Variants in STK36 observed in about 807,000 individuals in gnomAD.
The protein encoded by STK36 is serine/threonine-protein kinase 36.
A neutral mutation model predicts 142.2 loss-of-function variants in STK36; 116 were observed. The observed-to-expected ratio is 0.82, with a 90% CI of 0.70 to 0.95. STK36 has a LOEUF of 0.95. STK36 is among the 40% of genes least tolerant of loss of function. The pLI, the probability that STK36 is intolerant of heterozygous loss-of-function variation, is 0.00. For missense variants in STK36, 1,422 were observed against 1,617.2 expected, an observed-to-expected ratio of 0.88 and a Z score of 2.07; for synonymous variants, 619 against 641.7, an observed-to-expected ratio of 0.96 and a Z score of 0.53.
Position 218,694,221 on chromosome 2 carries a change from C to T in STK36, c.2337-43C>T. On this transcript the variant is annotated intron_variant, in intron 19 of 26. Transcript: ENST00000295709. This position sits in a 1 kb window ranked among gnomAD's most constrained non-coding sequence, Gnocchi z 4.4. ...GAGAGGGGAGGCCGCTTACCAACCT[C>T]CTTTAATACTGCTGCATCCCTTGAT... 1 of 1,556,804 alleles carries T rather than the reference C, an allele frequency of 6.4e-7. No homozygotes were observed. The highest frequency in any genetic ancestry group is 1.1e-5 in the South Asian group (1 of 89,900).
chr2:218,690,001 G>C, intron 13 of STK36, 45 bp downstream of exon 13: 1 of 1,523,288 alleles, frequency 6.6e-7, no homozygotes, highest in South Asian at 1.2e-5. Flanking sequence ...TTTGGCTTCT[G>C]TTTCTACCCC....
chr2:218,699,116 C>A lies in STK36; in HGVS notation c.3572C>A (p.Ala1191Glu), dbSNP rs774513040. ...YQAGPLGPAL[A>E]AAVPSMTQLL... ...GCTGGTCCTCTGGGACCTGCCCTGG[C>A]AGCTGCAGTGCCCAGTATGACCCAG... The change falls in exon 26 of 27, where the codon GCA becomes GAA. Residue 1191 changes from alanine to glutamate, a missense_variant. Physicochemically the swap from Ala to Glu is moderately radical, Grantham distance 107. Coordinates refer to ENST00000295709, the MANE Select transcript of STK36 (RefSeq NM_015690.5). 2 of 1,614,048 alleles carry A rather than the reference C, an allele frequency of 1.2e-6. No homozygotes were observed. The highest frequency in any genetic ancestry group is 4.5e-5 in the East Asian group (2 of 44,828).
chr2:218,672,508 C>T (rs939203883), intron 1 of STK36: 1 of 350,682 alleles, frequency 2.9e-6, no homozygotes, highest in Non-Finnish European at 5.4e-6. Context: ...AGAGTAGGGT[C>T]GAGTGAGCCA....
chr2:218,673,173 A>C, intron 2 of STK36: 1 of 451,366 alleles, frequency 2.2e-6, no homozygotes. Context: ...TGGGGATAAG[A>C]ACAGCAACTG....
In STK36 at chr2:218,672,931, A is replaced by T; in HGVS notation, c.84+18A>T. On this transcript the variant is annotated intron_variant, in intron 2 of 26. Coordinates refer to ENST00000295709, the MANE Select transcript of STK36 (RefSeq NM_015690.5). Reference sequence around the variant, plus strand: ...GTGCTCAGGTGTTGCACAAAGAGGGATACCTTTTGGGTGGGATTTGGTACC... The same window carrying T: ...GTGCTCAGGTGTTGCACAAAGAGGGTTACCTTTTGGGTGGGATTTGGTACC... 2 of 1,612,660 alleles carry T rather than the reference A, an allele frequency of 1.2e-6. No homozygotes were observed. The highest frequency in any genetic ancestry group is 1.7e-6 in the Non-Finnish European group (2 of 1,178,702).
At position 218,693,316 on chromosome 2, in the gene STK36, A is replaced by G; in HGVS notation, c.2120A>G (p.His707Arg). The G allele has an allele frequency of 6.2e-7, 1 of 1,614,206 alleles. No homozygotes were observed. The highest frequency in any genetic ancestry group is 8.5e-7 in the Non-Finnish European group (1 of 1,180,036). Residue 707 changes from histidine to arginine, a missense_variant, in exon 17 of 27, where the codon CAT (histidine) becomes CGT (arginine). By Grantham distance (29) the His-to-Arg change is conservative. Coordinates refer to ENST00000295709, the MANE Select transcript of STK36 (RefSeq NM_015690.5). ...LRPSLISGLQ[H>R]PILCLHLLKV... ...CCATCCCTCATCTCTGGCCTGCAGC[A>G]TCCCATCCTGTGCCTGCACCTTCTC...
rs1418431390 is a variant in STK36 at position 218,699,021 on chromosome 2, T to G, written c.3477T>G (p.Leu1159=). The G allele has an allele frequency of 6.2e-7, 1 of 1,614,104 alleles. No individual in the cohort carries two copies. The highest frequency in any genetic ancestry group is 1.6e-4 in the Middle Eastern group (1 of 6,062). Residue 1159 remains leucine, a synonymous_variant, in exon 26 of 27, where the codon CTT becomes CTG. Coordinates refer to ENST00000295709, the MANE Select transcript of STK36 (RefSeq NM_015690.5). ...CTGGACTGCTCAGCCTTCTGCTGCT[T>G]GGGCTTGGAGACAAGGATCCTGTTG... ...SQSGLLSLLL[L]GLGDKDPVVR...
chr2:218,693,756 C>G lies in STK36; in HGVS notation c.2182C>G (p.Leu728Val). The G allele has an allele frequency of 6.2e-7, 1 of 1,614,158 alleles. No homozygotes were observed. The highest frequency in any genetic ancestry group is 8.5e-7 in the Non-Finnish European group (1 of 1,180,054). ...CTCCTGCTGCCTTGTCAGTGAGGGC[C>G]TGTGCCGTCTTCTGGGGCAGGAGCC... Reference protein sequence around the residue: ...LYSCCLVSEGLCRLLGQEPLA... With the variant: ...LYSCCLVSEGVCRLLGQEPLA... Residue 728 changes from leucine (L) to valine (V), a missense_variant, in exon 18 of 27, where the codon CTG becomes GTG. By Grantham distance (32) the Leu-to-Val change is conservative. Coordinates refer to ENST00000295709, the MANE Select transcript of STK36 (RefSeq NM_015690.5).
rs1412774318 is a variant in STK36, at chr2:218,693,723, G to A, written c.2149G>A (p.Val717Ile). The A allele has an allele frequency of 4.3e-6, 7 of 1,613,860 alleles. No homozygotes were observed. Among genetic ancestry groups the A allele is most frequent in the Non-Finnish European group, 5.9e-6 (7 of 1,180,002 alleles). Residue 717 changes from valine (V) to isoleucine (I), a missense_variant and splice_region_variant, in exon 18 of 27, where the codon GTT becomes ATT. Physicochemically the swap from Val to Ile is conservative, Grantham distance 29 (BLOSUM62 3). Transcript: ENST00000295709. ...HPILCLHLLK[V>I]LYSCCLVSEG... ...GCCAGACTCCTTCCTTCTCCCTCAG[G>A]TTCTATACTCCTGCTGCCTTGTCAG...
In STK36 at chr2:218,673,813, C is replaced by T. The variant is rs377387903; in HGVS notation, c.225+48C>T. 90 of 1,613,750 alleles carry T rather than the reference C, an allele frequency of 5.6e-5. No individual in the cohort carries two copies. The African/African-American group carries it at 1.1e-3, about 19-fold the overall frequency. On this transcript the variant is annotated intron_variant, in intron 3 of 26. Transcript: ENST00000295709. ...CCTGTCTCCCCAAGCACAAGGGTTC[C>T]AGGAATTTCCCAACCTCAGAATGCA...
intron 15 of STK36, 88 bp from the exon 16 acceptor site, chr2:218,692,495 C>T: frequency 6.5e-7 from 1 of 1,528,742 alleles, no homozygotes; most frequent in Non-Finnish European, 8.8e-7. Context: ...AGGTTCCCTA[C>T]TCCTGCTGCC....
Position 218,702,026 on chromosome 2 carries a change from T to G in STK36, c.*17T>G. 6.2e-7 allele frequency: 1 copy of G among 1,612,734 alleles called. No homozygotes were observed. ...AGCATGTGATTCCAGATTCCTGCGG[T>G]CCAGCCTCCAACTTTGGTTGCCAGC... On this transcript the variant is annotated 3_prime_UTR_variant, in exon 27 of 27. Transcript: ENST00000295709.
At chr2:218,697,008 T>C (rs1553604115) in intron 22 of STK36, 31 bp from the exon 23 acceptor site, 8 of 1,611,204 alleles carry the variant, frequency 5.0e-6, no homozygotes, top group East Asian at 4.5e-5. Context: ...CTTCTGTCTT[T>C]CCCCCCGCCC....
In STK36 at chr2:218,697,043, G is replaced by C; in HGVS notation, c.2591G>C (p.Gly864Ala). 2 of 1,613,636 alleles carry C rather than the reference G, an allele frequency of 1.2e-6. No individual in the cohort carries two copies. Among genetic ancestry groups the C allele is most frequent in the Non-Finnish European group, 1.7e-6 (2 of 1,179,858 alleles). ...CTCTTTCACTTTTATCTCTAGCAGG[G>C]GAAGGCTAGCCTAATCAGGGATATG... is the stretch of plus-strand genomic sequence containing the variant. ...ILLLQLLTEQ[G>A]KASLIRDMSS... Residue 864 changes from glycine to alanine, a missense_variant, in exon 23 of 27, where the codon GGG becomes GCG. Physicochemically the swap from Gly to Ala is moderately conservative, Grantham distance 60. Transcript: ENST00000295709.
intron 26 of STK36, among the ~76,000 whole-genome samples, 164 bp downstream of exon 26, chr2:218,699,512 G>A (rs1316672181): frequency 6.6e-6 from 1 of 152,136 alleles, no homozygotes; most frequent in Admixed American, 6.5e-5. Flanking sequence ...TACATCTCCT[G>A]CCTTGGAGGA....
In STK36 at chr2:218,680,719, C is replaced by G; in HGVS notation, c.1236+17C>G. 1 of 1,600,096 alleles carries G rather than the reference C, an allele frequency of 6.2e-7. No homozygotes were observed. The highest frequency in any genetic ancestry group is 8.5e-7 in the Non-Finnish European group (1 of 1,172,762). ...GAAAATGAGGTGAGCCCTAGGGTCT[C>G]TTACTGACTTTGTCTCTTTCATGGG... On this transcript the variant is annotated intron_variant, in intron 10 of 26. Transcript: ENST00000295709.
intron 14 of STK36, among the ~76,000 whole-genome samples, chr2:218,691,670 C>T (rs1265998218): frequency 6.6e-6 from 1 of 152,134 alleles, no homozygotes; most frequent in Non-Finnish European, 1.5e-5. Flanking sequence ...ATCCTCCCAT[C>T]TCGGCCTCTT....
intron 10 of STK36, among the ~76,000 whole-genome samples, chr2:218,681,824 T>G (rs987309809): frequency 6.6e-6 from 1 of 152,272 alleles, no homozygotes; most frequent in African/African-American, 2.4e-5. Context: ...TAAACACTTC[T>G]GATTAGGCGC....
At chr2:218,700,787 G>A (rs1048112585) in intron 26 of STK36, among the ~76,000 whole-genome samples, 2 of 151,260 alleles carry the variant, frequency 1.3e-5, no homozygotes, top group African/African-American at 2.4e-5. Flanking sequence ...TGAGGTGGGC[G>A]GATCACTTGA....
Sources: allele counts gnomAD v4.1 joint callset (sites outside exome capture counted in the v4.1 genomes callset), GRCh38; gene constraint gnomAD v4.1.1; non-coding constraint Gnocchi (gnomAD v3.1); transcripts MANE v1.5; gene names NCBI Gene and HGNC (gene_info 2026-07-23, HGNC 2026-07-21).